CLCN4: variants seen among roughly 807,000 people sequenced by gnomAD.
CLCN4 encodes the protein H(+)/Cl(-) exchange transporter 4.
Under a neutral mutation model 41.7 loss-of-function variants are expected in CLCN4, and 1 was observed. That is an observed-to-expected ratio of 0.02 (90% CI 0.01 to 0.11). The LOEUF (loss-of-function observed/expected upper bound fraction) is 0.11. Ranked by LOEUF, CLCN4 falls within the 10% of genes least tolerant of loss-of-function variation. CLCN4 has a pLI of 1.00. For synonymous variants in CLCN4, 277 were observed against 285.8 expected, an observed-to-expected ratio of 0.97 and a Z score of 0.31; for missense variants, 287 against 661.0, an observed-to-expected ratio of 0.43 and a Z score of 6.20.
At chrX:10,213,436 A>G (rs758792277) in intron 10 of CLCN4, among the ~76,000 whole-genome samples, 1 of 111,987 alleles carries the variant, frequency 8.9e-6, no homozygotes, top group East Asian at 2.8e-4. Context: ...CGGTGAATAG[A>G]CAACCCGGGA....
chrX:10,157,205 G>A lies in CLCN4; in HGVS notation c.-275+105G>A, dbSNP rs1922974676. 7 of 283,181 alleles carry A rather than the reference G, an allele frequency of 2.5e-5. No individual in the cohort carries two copies. In the East Asian group the frequency reaches 3.0e-4, roughly 12 times the overall value. 23.3% of individuals were successfully genotyped at this position (283,181 alleles called of 1,213,427 possible). On this transcript the variant is annotated intron_variant, in intron 1 of 12. Transcript: ENST00000380833. Reference sequence around the variant, plus strand: ...AATCTGGTGTTGAAAATAATTGATCGCTGTGAGAGTCAAGGGCTGTATTTA... The same window carrying A: ...AATCTGGTGTTGAAAATAATTGATCACTGTGAGAGTCAAGGGCTGTATTTA...
At chrX:10,174,263 G>A (rs1289917305) in intron 2 of CLCN4, among the ~76,000 whole-genome samples, 1 of 112,188 alleles carries the variant, frequency 8.9e-6, no homozygotes, top group Non-Finnish European at 1.9e-5. Flanking sequence ...CCCCATAGCC[G>A]GTCATTGTGC....
chrX:10,228,591 G>A (rs1333320026), intron 12 of CLCN4, among the ~76,000 whole-genome samples: 1 of 111,597 alleles, frequency 9.0e-6, no homozygotes, highest in African/African-American at 3.3e-5. Flanking sequence ...AGGATATGGG[G>A]CCAGGTAACG....
intron 11 of CLCN4, among the ~76,000 whole-genome samples, chrX:10,218,932 G>T (rs1483812288): frequency 8.9e-6 from 1 of 112,290 alleles, no homozygotes; most frequent in South Asian, 3.7e-4. Flanking sequence ...GTGGCAGGCA[G>T]AACCAGATAC....
intron 12 of CLCN4, among the ~76,000 whole-genome samples, chrX:10,224,797 G>T (rs1215646684): frequency 9.0e-6 from 1 of 111,554 alleles, no homozygotes; most frequent in East Asian, 2.8e-4. Context: ...CTGTGTCCAT[G>T]TGTTCTCATT....
chrX:10,167,945 C>T (rs1288064819), intron 2 of CLCN4, among the ~76,000 whole-genome samples: 2 of 112,613 alleles, frequency 1.8e-5, no homozygotes, highest in Admixed American at 9.3e-5. Context: ...GCTCCCCAGG[C>T]TCTGGCCATA....
At chrX:10,218,640 A>G (rs1392593974) in intron 11 of CLCN4, among the ~76,000 whole-genome samples, 1 of 112,548 alleles carries the variant, frequency 8.9e-6, no homozygotes, top group Non-Finnish European at 1.9e-5. Context: ...GAGAATTGCA[A>G]AGAGCTTTCT....
intron 9 of CLCN4, among the ~76,000 whole-genome samples, chrX:10,210,633 T>C (rs982308973): frequency 3.8e-5 from 4 of 105,594 alleles, no homozygotes; most frequent in Non-Finnish European, 7.8e-5. Context: ...TGCGCCATTG[T>C]GCCCTGCCTG....
intron 2 of CLCN4, among the ~76,000 whole-genome samples, chrX:10,160,851 A>T (rs1923075665): frequency 9.0e-6 from 1 of 111,276 alleles, no homozygotes; most frequent in Middle Eastern, 4.2e-3. Context: ...CTGCTGTCGG[A>T]TCTGTAAAGT....
chrX:10,158,040 G>A (rs1406374281), intron 1 of CLCN4, among the ~76,000 whole-genome samples: 2 of 112,217 alleles, frequency 1.8e-5, no homozygotes, highest in East Asian at 5.5e-4. Context: ...CTCGATATAC[G>A]GCTTGAAACA....
chrX:10,217,813 G>A (rs189519879), intron 11 of CLCN4, among the ~76,000 whole-genome samples: 2,912 of 107,899 alleles, frequency 0.027, 30 homozygotes, highest in Non-Finnish European at 0.043. Context: ...CGACATCTCG[G>A]CTCACCCCAG....
chrX:10,168,149 G>A (rs895023628), intron 2 of CLCN4, among the ~76,000 whole-genome samples: 4 of 112,226 alleles, frequency 3.6e-5, no homozygotes, highest in East Asian at 2.8e-4. Context: ...AATGGGCAAC[G>A]GTCTGTATTT....
intron 11 of CLCN4, among the ~76,000 whole-genome samples, chrX:10,217,413 C>T (rs758391938): frequency 3.6e-5 from 4 of 112,134 alleles, no homozygotes; most frequent in African/African-American, 1.3e-4. Flanking sequence ...TGCTGAGCAG[C>T]ATCCCAGGGC....
At chrX:10,217,331 C>T (rs1924752207) in intron 11 of CLCN4, among the ~76,000 whole-genome samples, 1 of 111,622 alleles carries the variant, frequency 9.0e-6, no homozygotes, top group Admixed American at 9.5e-5. Flanking sequence ...AGTGGGAGTA[C>T]TCCTCCTCAG....
At chrX:10,205,464 C>T (rs1478924580) in intron 6 of CLCN4, among the ~76,000 whole-genome samples, 1 of 80,657 alleles carries the variant, frequency 1.2e-5, no homozygotes, top group African/African-American at 5.2e-5. Context: ...CAGTGCAAGA[C>T]TCCATCTCAA....
chrX:10,207,973 G>A, intron 8 of CLCN4, 72 bp from the exon 9 acceptor site: 1 of 941,667 alleles, frequency 1.1e-6, no homozygotes, highest in Non-Finnish European at 1.5e-6. Flanking sequence ...TGACTTTCCT[G>A]CCAACCAGAG....
rs889949881 is a variant in CLCN4, at chrX:10,233,892, G to A, written c.*308G>A. On this transcript the variant is annotated 3_prime_UTR_variant, in exon 13 of 13. Coordinates refer to ENST00000380833, the MANE Select transcript of CLCN4 (RefSeq NM_001830.4). ...TGATCTGTACAAGTATGTGGAGCAT[G>A]AATGCTGACTCAAGAAACTTTTACT... is the stretch of plus-strand genomic sequence containing the variant. 5.3e-6 allele frequency: 1 copy of A among 189,471 alleles called. No homozygotes were observed. Among genetic ancestry groups the A allele is most frequent in the Non-Finnish European group, 9.8e-6 (1 of 102,541 alleles). 15.6% of individuals were successfully genotyped at this position (189,471 alleles called of 1,213,427 possible). A position where few individuals can be genotyped will look rare whatever the true frequency, so the allele number is the denominator to read the frequency against.
chrX:10,160,197 AT>A (rs1384303860), intron 2 of CLCN4, among the ~76,000 whole-genome samples: 1 of 111,110 alleles, frequency 9.0e-6, no homozygotes, highest in Non-Finnish European at 1.9e-5. Context: ...GATTGAGATG[AT>A]CTCGAAATAT....
At chrX:10,184,991 C>G (rs1251824984) in intron 2 of CLCN4, 31 bp from the exon 3 acceptor site, 2 of 1,156,527 alleles carry the variant, frequency 1.7e-6, no homozygotes, top group African/African-American at 3.6e-5. Context: ...ATGTCCTGCT[C>G]ATGTCTTTAA....
Sources: allele counts gnomAD v4.1 joint callset (sites outside exome capture counted in the v4.1 genomes callset), GRCh38; gene constraint gnomAD v4.1.1; transcripts MANE v1.5; gene names NCBI Gene and HGNC (gene_info 2026-07-23, HGNC 2026-07-21).